Variants in HACD2 observed in about 807,000 individuals in gnomAD.
HACD2 encodes very-long-chain (3R)-3-hydroxyacyl-CoA dehydratase 2.
Under a neutral mutation model 31.0 loss-of-function variants are expected in HACD2, and 15 were observed. The ratio of observed to expected loss-of-function variants is 0.48; its 90% CI spans 0.32 to 0.75. HACD2 has a LOEUF of 0.75. Ranked by LOEUF, HACD2 falls within the 30% of genes least tolerant of loss-of-function variation. The probability of loss-of-function intolerance (pLI) is 0.03; values close to 1 mark genes in which losing one functional copy is unlikely to be tolerated. For synonymous variants in HACD2, 115 were observed against 122.2 expected (o/e 0.94, Z 0.39); for missense variants, 283 against 313.0 (o/e 0.90, Z 0.72).
intron 3 of HACD2, among the ~76,000 whole-genome samples, chr3:123,542,927 G>A (rs1290200248): frequency 1.3e-5 from 2 of 152,176 alleles, no homozygotes; most frequent in Admixed American, 1.3e-4. Flanking sequence ...CATCAAATAT[G>A]TTAAAAGCTA....
At chr3:123,583,805 G>A (rs908426469) in intron 1 of HACD2, among the ~76,000 whole-genome samples, 3 of 152,160 alleles carry the variant, frequency 2.0e-5, no homozygotes, top group Admixed American at 6.5e-5. Flanking sequence ...TCGAGGGAGG[G>A]GAGCTGGGTA....
intron 3 of HACD2, among the ~76,000 whole-genome samples, chr3:123,534,115 T>G (rs2056398011): frequency 6.6e-6 from 1 of 151,942 alleles, no homozygotes. Flanking sequence ...ATGAGGGTGC[T>G]CTGAGGACTC....
chr3:123,530,306 A>T (rs995717576), intron 3 of HACD2, among the ~76,000 whole-genome samples: 5 of 152,144 alleles, frequency 3.3e-5, no homozygotes, highest in East Asian at 3.9e-4. Flanking sequence ...GCTGGAGTAC[A>T]TGACGCCATC....
intron 3 of HACD2, among the ~76,000 whole-genome samples, chr3:123,537,094 A>G (rs1201238382): frequency 1.3e-5 from 2 of 152,234 alleles, no homozygotes; most frequent in African/African-American, 4.8e-5. Flanking sequence ...ACTATATTAT[A>G]AATGCTATGA....
At chr3:123,547,920 C>T (rs1319679193) in intron 3 of HACD2, among the ~76,000 whole-genome samples, 1 of 152,078 alleles carries the variant, frequency 6.6e-6, no homozygotes, top group Non-Finnish European at 1.5e-5. Context: ...CATGAGGGAA[C>T]TGAGGTCCAG....
chr3:123,569,858 G>A (rs996394115), intron 2 of HACD2, among the ~76,000 whole-genome samples: 1 of 151,676 alleles, frequency 6.6e-6, no homozygotes, highest in Non-Finnish European at 1.5e-5. Context: ...GCATAGTGGC[G>A]CATGCCTGTA....
intron 3 of HACD2, among the ~76,000 whole-genome samples, chr3:123,541,974 C>T (rs908479284): frequency 1.3e-5 from 2 of 151,136 alleles, no homozygotes; most frequent in African/African-American, 4.9e-5. Flanking sequence ...GGTGAAACCC[C>T]GTCTCTACTA....
rs112298208 is a variant in HACD2 at position 123,560,234 on chromosome 3, G to A, written c.292+7528C>T. On this transcript the variant is annotated intron_variant, in intron 3 of 6. Transcript: ENST00000383657. ...AGAATGAACCAGAGCTAAGGCAGAG[G>A]GAGGCTACTAAGCTGGTCTGGTCTG... Among the ~76,000 whole-genome samples, 639 of 152,282 alleles carry A rather than the reference G, an allele frequency of 4.2e-3. 3 individuals are homozygous for A. Among genetic ancestry groups the A allele is most frequent in the African/African-American group, 0.015 (606 of 41,544 alleles).
chr3:123,551,097 C>T (rs2056614901), intron 3 of HACD2, among the ~76,000 whole-genome samples: 1 of 152,168 alleles, frequency 6.6e-6, no homozygotes, highest in Admixed American at 6.6e-5. Context: ...TCTGTGAGGA[C>T]AGAGGTGACC....
chr3:123,566,493 A>T (rs1475423680), intron 3 of HACD2, among the ~76,000 whole-genome samples: 1 of 151,850 alleles, frequency 6.6e-6, no homozygotes, highest in Admixed American at 6.5e-5. Flanking sequence ...TGTGTTGCCC[A>T]GGCTGGTCTC....
intron 2 of HACD2, among the ~76,000 whole-genome samples, chr3:123,580,166 CA>C (rs60618268): frequency 2.7e-3 from 329 of 123,478 alleles, no homozygotes; most frequent in Non-Finnish European, 3.0e-3. Flanking sequence ...GGCCCTGTGT[CA>C]AAAAAAAAAA....
intron 3 of HACD2, among the ~76,000 whole-genome samples, chr3:123,545,960 C>G (rs2056554971): frequency 6.6e-6 from 1 of 152,016 alleles, no homozygotes; most frequent in Non-Finnish European, 1.5e-5. Context: ...ATCTGCATGC[C>G]TCAGCCTCCC....
intron 3 of HACD2, among the ~76,000 whole-genome samples, chr3:123,535,433 C>T (rs895729917): frequency 6.6e-6 from 1 of 152,164 alleles, no homozygotes; most frequent in Non-Finnish European, 1.5e-5. Context: ...TAAATCACAA[C>T]AACAGCAACA....
At chr3:123,558,508 G>A (rs73200040) in intron 3 of HACD2, among the ~76,000 whole-genome samples, 28,611 of 152,042 alleles carry the variant, frequency 0.19, 2,870 homozygotes, top group African/African-American at 0.22. Context: ...CGTGGAGGAA[G>A]GGGGCCTATG....
Position 123,492,102 on chromosome 3 carries a change from T to C in HACD2, c.*2786A>G, listed in dbSNP as rs888691704. 5.9e-5 allele frequency: 9 copies of C among 152,196 alleles called. No individual in the cohort carries two copies. Among genetic ancestry groups the C allele is most frequent in the African/African-American group, 2.2e-4 (9 of 41,450 alleles). The allele number at this position is 152,196 out of a possible 1,614,324, so 9.4% of individuals were successfully genotyped here. On this transcript the variant is annotated 3_prime_UTR_variant, in exon 7 of 7. Coordinates refer to ENST00000383657, the MANE Select transcript of HACD2 (RefSeq NM_198402.5). ...CAGTGCTTTATTCCATGACTAACTC[T>C]CCATGGTGCCTCTGGATAATGGTTG...
chr3:123,582,326 C>A lies in HACD2; in HGVS notation c.159G>T (p.Trp53Cys). Residue 53 changes from tryptophan to cysteine, a missense_variant, in exon 2 of 7, where the codon TGG becomes TGT. Around this residue, in one of 3 missense-constraint regions of HACD2, gnomAD observed 158 missense variants for 148.3 expected, o/e 1.07. Coordinates refer to ENST00000383657, the MANE Select transcript of HACD2 (RefSeq NM_198402.5). ...VIYNVVMTAGWLVIAVGLVRA... is the reference protein window; with the variant it reads ...VIYNVVMTAGCLVIAVGLVRA... ...GGACCAGACCAACCGCTATAACCAG[C>A]CACCTAGTAAAAGAGAAAACAGCAA... The A allele has an allele frequency of 6.4e-7, 1 of 1,564,872 alleles. No individual in the cohort carries two copies. The highest frequency in any genetic ancestry group is 8.6e-7 in the Non-Finnish European group (1 of 1,158,000).
At chr3:123,556,719 A>G (rs1445409886) in intron 3 of HACD2, among the ~76,000 whole-genome samples, 1 of 152,206 alleles carries the variant, frequency 6.6e-6, no homozygotes, top group African/African-American at 2.4e-5. Flanking sequence ...CCTGTCTGAT[A>G]AAGAATTTGT....
intron 3 of HACD2, among the ~76,000 whole-genome samples, chr3:123,537,912 T>A (rs1320897708): frequency 1.3e-5 from 2 of 152,208 alleles, no homozygotes; most frequent in African/African-American, 4.8e-5. Context: ...TAAATTAAAC[T>A]TTTGGCACTA....
chr3:123,565,938 G>A (rs936121799), intron 3 of HACD2, among the ~76,000 whole-genome samples: 3 of 152,154 alleles, frequency 2.0e-5, no homozygotes, highest in Non-Finnish European at 4.4e-5. Context: ...AATCAGGCAG[G>A]TGTCAGACTG....
Sources: gnomAD v4.1 joint callset for allele counts (sites outside exome capture counted in the v4.1 genomes callset) on GRCh38, gnomAD v4.1.1 for gene constraint, gnomAD v4.1.1 regional missense constraint, MANE v1.5 for transcripts, NCBI Gene and HGNC (gene_info 2026-07-23, HGNC 2026-07-21) for gene names.